The following RFX3 variants were observed in gnomAD, a reference collection of about 807,000 sequenced individuals.
The protein encoded by RFX3 is transcription factor RFX3.
RFX3 carries 14 observed loss-of-function variants against 98.6 expected under a neutral mutation model. That is an observed-to-expected ratio of 0.14 (90% CI 0.09 to 0.22). RFX3 has a LOEUF of 0.22. Among genes scored for constraint, RFX3 ranks in the 10% least tolerant of loss-of-function variants. The pLI, the probability that RFX3 is intolerant of heterozygous loss-of-function variation, is 1.00. For synonymous variants in RFX3, 383 were observed against 328.4 expected (o/e 1.17, Z -1.80); for missense variants, 639 against 926.9 (o/e 0.69, Z 4.03).
chr9:3,463,733 G>A (rs1765654544), intron 1 of RFX3, among the ~76,000 whole-genome samples: 1 of 152,076 alleles, frequency 6.6e-6, no homozygotes, highest in Non-Finnish European at 1.5e-5. Flanking sequence ...CACTTTGGGA[G>A]GCCATGGCAG....
At chr9:3,383,334 G>A (rs1211818065) in intron 2 of RFX3, among the ~76,000 whole-genome samples, 1 of 152,078 alleles carries the variant, frequency 6.6e-6, no homozygotes, top group African/African-American at 2.4e-5. Context: ...GACATTTCTT[G>A]ATAATGCATA....
At chr9:3,460,497 T>A (rs764881183) in intron 1 of RFX3, among the ~76,000 whole-genome samples, 18 of 152,012 alleles carry the variant, frequency 1.2e-4, no homozygotes, top group South Asian at 6.2e-4. Flanking sequence ...TTCCTCTACC[T>A]TATACTCATC....
At chr9:3,514,553 C>T (rs1302652870) in intron 1 of RFX3, among the ~76,000 whole-genome samples, 2 of 152,090 alleles carry the variant, frequency 1.3e-5, no homozygotes, top group African/African-American at 4.8e-5. Context: ...AGGGCTGAAG[C>T]AATACACCCA....
chr9:3,343,379 TC>T (rs1228676602), intron 3 of RFX3, among the ~76,000 whole-genome samples: 117 of 152,292 alleles, frequency 7.7e-4, no homozygotes, highest in South Asian at 5.0e-3. Flanking sequence ...GTGATCCAAG[TC>T]AGGGATCAAA....
chr9:3,324,600 A>G (rs1231329526), intron 4 of RFX3, among the ~76,000 whole-genome samples: 4 of 149,288 alleles, frequency 2.7e-5, no homozygotes, highest in Non-Finnish European at 5.9e-5. Flanking sequence ...AAAAAAAAAA[A>G]GAGAGAGGGA....
chr9:3,318,925 T>C (rs1261932925), intron 4 of RFX3, among the ~76,000 whole-genome samples: 2 of 152,210 alleles, frequency 1.3e-5, no homozygotes, highest in African/African-American at 4.8e-5. Context: ...GATTATTCTG[T>C]GGAGCCCAGA....
intron 13 of RFX3, among the ~76,000 whole-genome samples, chr9:3,261,730 T>C (rs1349411309): frequency 6.6e-6 from 1 of 152,144 alleles, no homozygotes; most frequent in African/African-American, 2.4e-5. Context: ...CACACTGTTT[T>C]CCAAAGTGGC....
chr9:3,501,643 A>G (rs1231569367), intron 1 of RFX3, among the ~76,000 whole-genome samples: 7 of 142,852 alleles, frequency 4.9e-5, no homozygotes, highest in African/African-American at 7.9e-5. Context: ...TGCAACCTCT[A>G]TCTCCGAGGT....
At chr9:3,304,409 T>C (rs1445443258) in intron 4 of RFX3, among the ~76,000 whole-genome samples, 2 of 151,948 alleles carry the variant, frequency 1.3e-5, no homozygotes, top group Non-Finnish European at 2.9e-5. Flanking sequence ...TTTTTCATAA[T>C]CCAATAGACA....
chr9:3,395,282 A>G (rs1161798954), intron 2 of RFX3, among the ~76,000 whole-genome samples, 190 bp downstream of exon 2: 2 of 152,242 alleles, frequency 1.3e-5, no homozygotes, highest in South Asian at 2.1e-4. Flanking sequence ...TTGTATCCCT[A>G]TAGCCTAGCA....
At chr9:3,467,137 T>TGTATATACATATATATGTATATAC (rs1564139017) in intron 1 of RFX3, among the ~76,000 whole-genome samples, 1 of 142,146 alleles carries the variant, frequency 7.0e-6, no homozygotes, top group Non-Finnish European at 1.5e-5. Context: ...TAAGTATATA[T>TGTATATACATATATATGTATATAC]GTATATACAT....
At chr9:3,398,919 A>T (rs1214808583) in intron 1 of RFX3, among the ~76,000 whole-genome samples, 7 of 139,248 alleles carry the variant, frequency 5.0e-5, no homozygotes, top group African/African-American at 2.2e-4. Context: ...TATAATAAAA[A>T]AAAAAAAAAA....
At chr9:3,301,691 G>T in intron 4 of RFX3, 71 bp from the exon 5 acceptor site, 1 of 1,109,612 alleles carries the variant, frequency 9.0e-7, no homozygotes, top group Non-Finnish European at 1.3e-6. Context: ...GAGAATTTCT[G>T]ATAGATTCTT....
intron 3 of RFX3, among the ~76,000 whole-genome samples, chr9:3,343,382 G>C (rs1163028553): frequency 6.6e-6 from 1 of 152,144 alleles, no homozygotes; most frequent in Non-Finnish European, 1.5e-5. Flanking sequence ...ATCCAAGTCA[G>C]GGATCAAACA....
At chr9:3,301,804 A>C (rs191495923) in intron 4 of RFX3, among the ~76,000 whole-genome samples, 184 bp from the exon 5 acceptor site, 1 of 151,970 alleles carries the variant, frequency 6.6e-6, no homozygotes, top group East Asian at 1.9e-4. Flanking sequence ...AAAAATATGC[A>C]CACTAATAAT....
At chr9:3,425,921 C>A (rs547276916) in intron 1 of RFX3, among the ~76,000 whole-genome samples, 1 of 152,004 alleles carries the variant, frequency 6.6e-6, no homozygotes, top group Non-Finnish European at 1.5e-5. Flanking sequence ...TGTTGGAGAT[C>A]GTAAAACAAA....
intron 1 of RFX3, among the ~76,000 whole-genome samples, chr9:3,474,174 TTATAGA>T (rs1187358620): frequency 6.6e-6 from 1 of 152,212 alleles, no homozygotes; most frequent in Non-Finnish European, 1.5e-5. Context: ...ATATGACTTG[TTATAGA>T]TGTAGATTTA....
At chr9:3,505,241 T>TTATATATATATGA (rs1816856505) in intron 1 of RFX3, among the ~76,000 whole-genome samples, 1 of 97,522 alleles carries the variant, frequency 1.0e-5, no homozygotes, top group Non-Finnish European at 1.8e-5. Context: ...AATATATATT[T>TTATATATATATGA]ATATATATAT....
intron 4 of RFX3, among the ~76,000 whole-genome samples, chr9:3,303,430 C>T (rs1159526510): frequency 6.6e-6 from 1 of 151,662 alleles, no homozygotes; most frequent in Non-Finnish European, 1.5e-5. Flanking sequence ...TGCCATTATA[C>T]CTATATTTTC....
Sources: allele counts gnomAD v4.1 joint callset (sites outside exome capture counted in the v4.1 genomes callset), GRCh38; gene constraint gnomAD v4.1.1; transcripts MANE v1.5; gene names NCBI Gene and HGNC (gene_info 2026-07-23, HGNC 2026-07-21).